The following PDE1A variants were observed in gnomAD, a reference collection of about 807,000 sequenced individuals.
PDE1A encodes dual specificity calcium/calmodulin-dependent 3',5'-cyclic nucleotide phosphodiesterase 1A.
In PDE1A, 35 loss-of-function variants were observed where a neutral mutation model predicts 61.7. The ratio of observed to expected loss-of-function variants is 0.57; its 90% CI spans 0.43 to 0.75. The LOEUF (loss-of-function observed/expected upper bound fraction) is 0.75, where lower values mean the gene tolerates loss of function less well. Among genes scored for constraint, PDE1A ranks in the 30% least tolerant of loss-of-function variants. The pLI is 0.00. For synonymous variants in PDE1A, 232 were observed against 213.2 expected (o/e 1.09, Z -0.77); for missense variants, 597 against 630.6 (o/e 0.95, Z 0.57).
rs568289038 is a variant in PDE1A, at chr2:182,288,444, T to C, written c.54-24030A>G. On this transcript the variant is annotated intron_variant, in intron 1 of 13. Coordinates refer to ENST00000351439, the Ensembl canonical transcript of PDE1A. ...AGGCATTCTGTCTTAAGTTTGAATA[T>C]CATCATTTTCATAAGGCATACTTTT... Among the ~76,000 whole-genome samples the C allele has an allele frequency of 1.3e-4, 20 of 152,236 alleles. No homozygotes were observed. In the South Asian group the frequency reaches 4.1e-3, roughly 32 times the overall value.
chr2:182,623,559 C>A, the PDE1A span, among the ~76,000 whole-genome samples: 3 of 152,166 alleles, frequency 2.0e-5, no homozygotes, highest in Non-Finnish European at 2.9e-5. Flanking sequence ...TGAAGGGACA[C>A]TAGTGAGGGG....
chr2:182,701,408 T>G, the PDE1A span, among the ~76,000 whole-genome samples: 1 of 150,744 alleles, frequency 6.6e-6, no homozygotes, highest in Non-Finnish European at 1.5e-5. Context: ...TTTTTTGAAG[T>G]TTTGCTGTGT....
chr2:182,334,267 G>GACACACAC (rs552771675), intron 1 of PDE1A, among the ~76,000 whole-genome samples: 3 of 145,712 alleles, frequency 2.1e-5, no homozygotes, highest in African/African-American at 7.6e-5. Context: ...CCCTGGAAGA[G>GACACACAC]ACACACACAC....
At chr2:182,367,900 T>C (rs966831899) in intron 1 of PDE1A, among the ~76,000 whole-genome samples, 5 of 152,102 alleles carry the variant, frequency 3.3e-5, no homozygotes, top group Admixed American at 1.3e-4. Flanking sequence ...ATATTTAATG[T>C]ATAGAACTTG....
chr2:182,254,059 T>C (rs908358354), intron 2 of PDE1A, among the ~76,000 whole-genome samples: 2 of 152,222 alleles, frequency 1.3e-5, no homozygotes, highest in African/African-American at 4.8e-5. Flanking sequence ...TATTCATTTA[T>C]ATTACACTGA....
chr2:182,403,000 G>A (rs139891743), intron 1 of PDE1A, among the ~76,000 whole-genome samples: 1,577 of 152,038 alleles, frequency 0.01, 11 homozygotes, highest in Non-Finnish European at 0.018. Context: ...TTAGAATGGC[G>A]ACCATTAAAA....
chr2:182,161,114 G>A (rs985146134), intron 13 of PDE1A, among the ~76,000 whole-genome samples: 1 of 152,096 alleles, frequency 6.6e-6, no homozygotes, highest in Non-Finnish European at 1.5e-5. Context: ...TGGACAAAGT[G>A]AGGAAAGAAA....
chr2:182,185,488 A>AG, intron 13 of PDE1A, among the ~76,000 whole-genome samples: 1 of 152,334 alleles, frequency 6.6e-6, no homozygotes, highest in East Asian at 1.9e-4. Flanking sequence ...CAGAAAAAAA[A>AG]CACACCCAAG....
At chr2:182,715,058 G>A in the PDE1A span, among the ~76,000 whole-genome samples, 1 of 152,102 alleles carries the variant, frequency 6.6e-6, no homozygotes, top group Non-Finnish European at 1.5e-5. Context: ...TCTGTGATCT[G>A]GTCCCTGCTT....
At chr2:182,372,979 G>GGATCCACTCAT (rs1186497162) in intron 1 of PDE1A, among the ~76,000 whole-genome samples, 2 of 152,190 alleles carry the variant, frequency 1.3e-5, no homozygotes, top group Non-Finnish European at 2.9e-5. Context: ...TTAGGAAAAG[G>GGATCCACTCAT]GACTAAGACA....
At chr2:182,376,663 C>T (rs1032600592) in intron 1 of PDE1A, among the ~76,000 whole-genome samples, 5 of 152,200 alleles carry the variant, frequency 3.3e-5, no homozygotes, top group Non-Finnish European at 7.3e-5. Flanking sequence ...GGTATCTTTT[C>T]AGCAATGCCC....
exon 3 of PDE1A, chr2:182,240,238 T>C (rs1690393872): frequency 1.2e-6 from 2 of 1,612,924 alleles, no homozygotes; most frequent in Non-Finnish European, 1.7e-6. Flanking sequence ...GGACTTCAGA[T>C]GGGACTGAGT....
At chr2:182,173,652 A>G (rs1340894777) in intron 13 of PDE1A, among the ~76,000 whole-genome samples, 1 of 151,414 alleles carries the variant, frequency 6.6e-6, no homozygotes, top group Non-Finnish European at 1.5e-5. Flanking sequence ...ATAATTAGAG[A>G]GAGAATGATA....
chr2:182,381,550 A>G (rs1016308028), intron 1 of PDE1A, among the ~76,000 whole-genome samples: 8 of 152,198 alleles, frequency 5.3e-5, no homozygotes, highest in Admixed American at 5.2e-4. Flanking sequence ...ACGGTGGCTC[A>G]CGCCTATAAT....
the PDE1A span, among the ~76,000 whole-genome samples, chr2:182,548,187 T>C: frequency 6.6e-6 from 1 of 152,134 alleles, no homozygotes; most frequent in Non-Finnish European, 1.5e-5. Context: ...AGAGGTGAAA[T>C]AGTGGACAGC....
intron 2 of PDE1A, among the ~76,000 whole-genome samples, chr2:182,462,081 A>G (rs1289599873): frequency 2.7e-5 from 4 of 149,620 alleles, no homozygotes; most frequent in African/African-American, 4.9e-5. Flanking sequence ...AAAACCAAAC[A>G]CCTCATAGGT....
intron 2 of PDE1A, among the ~76,000 whole-genome samples, chr2:182,469,572 T>C (rs1225557585): frequency 6.6e-6 from 1 of 151,982 alleles, no homozygotes; most frequent in African/African-American, 2.4e-5. Flanking sequence ...TTTGGCTTCC[T>C]TATAATTCAT....
chr2:182,273,690 C>T (rs1165876815), intron 1 of PDE1A, among the ~76,000 whole-genome samples: 2 of 151,962 alleles, frequency 1.3e-5, no homozygotes, highest in Admixed American at 1.3e-4. Context: ...GTGTTGAGTA[C>T]TTTTACAAAA....
At chr2:182,381,505 T>C (rs776893326) in intron 1 of PDE1A, among the ~76,000 whole-genome samples, 2 of 152,154 alleles carry the variant, frequency 1.3e-5, no homozygotes, top group African/African-American at 2.4e-5. Context: ...GCACAGAAAG[T>C]ACAAGTTGCT....
Sources: allele counts gnomAD v4.1 joint callset (sites outside exome capture counted in the v4.1 genomes callset), GRCh38; gene constraint gnomAD v4.1.1; transcripts MANE v1.5; gene names NCBI Gene and HGNC (gene_info 2026-07-23, HGNC 2026-07-21).